Variants in CFAP210 observed in about 807,000 individuals in gnomAD.
CFAP210 encodes cilia and flagella associated protein 210.
the CFAP210 span, among the ~76,000 whole-genome samples, chr2:169,685,216 C>T: frequency 6.6e-6 from 1 of 152,230 alleles, no homozygotes; most frequent in Non-Finnish European, 1.5e-5. Context: ...TACTATTTTA[C>T]ATTTCCACTA....
At chr2:169,650,287 ACT>A in the CFAP210 span, 6 of 1,498,376 alleles carry the variant, frequency 4.0e-6, no homozygotes, top group Middle Eastern at 2.2e-4. Context: ...AAAGGTCCTA[ACT>A]CTGTCTTTCT....
the CFAP210 span, among the ~76,000 whole-genome samples, chr2:169,657,721 A>T: frequency 1.3e-5 from 2 of 152,130 alleles, no homozygotes; most frequent in Non-Finnish European, 2.9e-5. Context: ...CTGTCTCAAA[A>T]CAAAATGAAA....
At chr2:169,690,354 A>T in the CFAP210 span, among the ~76,000 whole-genome samples, 2 of 152,248 alleles carry the variant, frequency 1.3e-5, no homozygotes, top group Non-Finnish European at 2.9e-5. Context: ...ATATTTCATT[A>T]AAAATTTAGT....
At chr2:169,675,307 A>G in the CFAP210 span, among the ~76,000 whole-genome samples, 2 of 152,238 alleles carry the variant, frequency 1.3e-5, no homozygotes, top group Admixed American at 1.3e-4. Flanking sequence ...ACATTTCTAT[A>G]AAGAAATACC....
the CFAP210 span, chr2:169,650,210 A>G: frequency 3.2e-4 from 329 of 1,040,158 alleles, 1 homozygote; most frequent in East Asian, 9.4e-3. Context: ...AAGATAATTC[A>G]TACATTGTTT....
the CFAP210 span, among the ~76,000 whole-genome samples, chr2:169,674,303 C>G: frequency 4.6e-3 from 702 of 152,278 alleles, 8 homozygotes; most frequent in African/African-American, 0.016. Flanking sequence ...CTGATTCCAG[C>G]CTAGATCAGC....
At chr2:169,652,948 C>G in the CFAP210 span, among the ~76,000 whole-genome samples, 7 of 122,536 alleles carry the variant, frequency 5.7e-5, no homozygotes, top group Admixed American at 9.9e-5. Context: ...TGCAGTAAGC[C>G]GAGATCGCGC....
the CFAP210 span, chr2:169,646,181 G>A: frequency 4.4e-6 from 7 of 1,599,696 alleles, no homozygotes; most frequent in Admixed American, 1.0e-4. Flanking sequence ...CTTATTTTTG[G>A]CCTATTTGGG....
the CFAP210 span, among the ~76,000 whole-genome samples, chr2:169,681,577 T>A: frequency 6.6e-6 from 1 of 152,150 alleles, no homozygotes; most frequent in African/African-American, 2.4e-5. Flanking sequence ...GTTAACAAAG[T>A]GGCAGTTTAT....
At chr2:169,687,055 T>C in the CFAP210 span, among the ~76,000 whole-genome samples, 1 of 152,074 alleles carries the variant, frequency 6.6e-6, no homozygotes, top group South Asian at 2.1e-4. Flanking sequence ...GATAATCCCA[T>C]CAGATCTCAT....
chr2:169,694,325 C>G, the CFAP210 span: 3 of 1,613,898 alleles, frequency 1.9e-6, no homozygotes, highest in Non-Finnish European at 2.5e-6. Flanking sequence ...ACGAGGTGTC[C>G]ATGATGCTCC....
the CFAP210 span, among the ~76,000 whole-genome samples, chr2:169,646,929 TTGAC>T: frequency 6.6e-6 from 1 of 152,154 alleles, no homozygotes; most frequent in African/African-American, 2.4e-5. Context: ...AACAGTTACT[TTGAC>T]TACTTAGGAA....
At chr2:169,677,250 A>G in the CFAP210 span, among the ~76,000 whole-genome samples, 1 of 152,238 alleles carries the variant, frequency 6.6e-6, no homozygotes, top group Non-Finnish European at 1.5e-5. Context: ...TGATACTCAA[A>G]CTAGATAAAG....
chr2:169,653,958 T>C, the CFAP210 span: 3 of 1,103,690 alleles, frequency 2.7e-6, no homozygotes, highest in African/African-American at 4.7e-5. Context: ...ATCAAGTCAC[T>C]GAATGCTCTA....
chr2:169,679,489 T>C, the CFAP210 span, among the ~76,000 whole-genome samples: 93 of 152,024 alleles, frequency 6.1e-4, no homozygotes, highest in African/African-American at 2.1e-3. Context: ...CCATCCTGGC[T>C]AACATGGTGA....
chr2:169,670,755 G>C, the CFAP210 span, among the ~76,000 whole-genome samples: 1 of 152,098 alleles, frequency 6.6e-6, no homozygotes, highest in East Asian at 1.9e-4. Flanking sequence ...GCAATCCATG[G>C]GAGACAGCAA....
the CFAP210 span, among the ~76,000 whole-genome samples, chr2:169,660,602 A>T: frequency 6.0e-4 from 68 of 114,104 alleles, no homozygotes; most frequent in South Asian, 4.6e-3. Context: ...ATATATATAT[A>T]TATTTTTTTT....
the CFAP210 span, chr2:169,661,438 C>T: frequency 0.4 from 139,833 of 346,766 alleles, 29,098 homozygotes; most frequent in Middle Eastern, 0.47. Flanking sequence ...CCTCTGCCCT[C>T]CAGGGGCTGA....
At chr2:169,647,683 A>G in the CFAP210 span, among the ~76,000 whole-genome samples, 1 of 152,244 alleles carries the variant, frequency 6.6e-6, no homozygotes, top group Non-Finnish European at 1.5e-5. Context: ...TGATTGAAAC[A>G]ACAAACTATT....
Sources: gnomAD v4.1 joint callset for allele counts (sites outside exome capture counted in the v4.1 genomes callset) on GRCh38, gnomAD v4.1.1 for gene constraint, MANE v1.5 for transcripts, NCBI Gene and HGNC (gene_info 2026-07-23, HGNC 2026-07-21) for gene names.